SMC4: variants seen among roughly 807,000 people sequenced by gnomAD.
The protein encoded by SMC4 is structural maintenance of chromosomes protein 4.
A neutral mutation model predicts 145.6 loss-of-function variants in SMC4; 87 were observed. The observed-to-expected ratio is 0.60, with a 90% CI of 0.50 to 0.71. The LOEUF (loss-of-function observed/expected upper bound fraction) is 0.71, where lower values mean the gene tolerates loss of function less well. SMC4 is among the 30% of genes least tolerant of loss of function. SMC4 has a pLI of 0.00. For synonymous variants in SMC4, 558 were observed against 500.7 expected (o/e 1.11, Z -1.53); for missense variants, 1,447 against 1,537.1 (o/e 0.94, Z 0.98).
rs766051338 is a variant in SMC4 at position 160,404,524 on chromosome 3, C to T, written c.687+20C>T. 1 of 1,599,338 alleles carries T rather than the reference C, an allele frequency of 6.3e-7. No individual in the cohort carries two copies. Among genetic ancestry groups the T allele is most frequent in the South Asian group, 1.1e-5 (1 of 89,038 alleles). On this transcript the variant is annotated intron_variant, in intron 5 of 23. Transcript: ENST00000357388. Reference sequence around the variant, plus strand: ...TTACAGGTAAGTTTATTAAAGACTTCAAAGATTCTCTTATTCTTGTTACTT... The same window carrying T: ...TTACAGGTAAGTTTATTAAAGACTTTAAAGATTCTCTTATTCTTGTTACTT...
chr3:160,413,461 T>TC lies in SMC4; in HGVS notation c.981-10dup, dbSNP rs1183263137. 6.4e-7 allele frequency: 1 copy of TC among 1,566,340 alleles called. No homozygotes were observed. The highest frequency in any genetic ancestry group is 2.2e-5 in the Admixed American group (1 of 44,882). On this transcript the variant is annotated splice_polypyrimidine_tract_variant and intron_variant, in intron 7 of 23. Transcript: ENST00000357388. The stretch of plus-strand genomic sequence containing the variant: ...GAGCTTCAATTTCTTTTTTTTTTTT[T>TC]CCTCCCTATAGTTATGAGTTGCAGA...
chr3:160,433,247 T>C lies in SMC4; in HGVS notation c.3714+38T>C, dbSNP rs144374404. On this transcript the variant is annotated intron_variant, in intron 23 of 23. Transcript: ENST00000357388. ...TTTGGGATTTTCATTCCAGAAACTT[T>C]TAGGGGTATCCTAAACATTACACAT... The C allele has an allele frequency of 5.2e-5, 75 of 1,440,300 alleles. No individual in the cohort carries two copies. In the African/African-American group the frequency reaches 9.3e-4, roughly 18 times the overall value. The allele number at this position is 1,440,300 out of a possible 1,614,324, so 89.2% of individuals were successfully genotyped here.
rs145849553 is a variant in SMC4 at position 160,417,768 on chromosome 3, G to A, written c.1483G>A (p.Ala495Thr). The change falls in exon 11 of 24, where the codon GCA (alanine) becomes ACA (threonine). Residue 495 changes from alanine to threonine, a missense_variant. Coordinates refer to ENST00000357388, the MANE Select transcript of SMC4 (RefSeq NM_001002800.3). ...GGGTTTCAGCAAATCGGTAAATGAA[G>A]CACGTTCAAAGATGGATGTAGCCCA... ...LMGFSKSVNEARSKMDVAQSE... is the reference protein window; with the variant it reads ...LMGFSKSVNETRSKMDVAQSE... 70 of 1,613,076 alleles carry A rather than the reference G, an allele frequency of 4.3e-5. No individual in the cohort carries two copies. In the African/African-American group the frequency reaches 8.9e-4, roughly 21 times the overall value.
chr3:160,428,189 C>CA (rs1241120191), intron 17 of SMC4, among the ~76,000 whole-genome samples: 1 of 152,190 alleles, frequency 6.6e-6, no homozygotes, highest in Non-Finnish European at 1.5e-5. Flanking sequence ...TTATGCCTTC[C>CA]AAATTATGCA....
Position 160,434,825 on chromosome 3 carries a change from T to C in SMC4, c.*1016T>C, listed in dbSNP as rs1331735668. On this transcript the variant is annotated 3_prime_UTR_variant, in exon 24 of 24. Transcript: ENST00000357388. ...CCTAAGGAATTAATTAAAGAGTTAA[T>C]TGTTCCTTTCTTCAGTGGGCCATTG... 1 of 152,182 alleles carries C rather than the reference T, an allele frequency of 6.6e-6. No individual in the cohort carries two copies. The highest frequency in any genetic ancestry group is 2.4e-5 in the African/African-American group (1 of 41,444). 9.4% of individuals were successfully genotyped at this position (152,182 alleles called of 1,614,324 possible). A position where few individuals can be genotyped will look rare whatever the true frequency, so the allele number is the denominator to read the frequency against.
chr3:160,400,519 A>G (rs1009951452), intron 1 of SMC4: 1 of 308,042 alleles, frequency 3.2e-6, no homozygotes, highest in South Asian at 6.8e-5. Flanking sequence ...TTATACGCTT[A>G]TACTATGGGC....
At chr3:160,412,134 T>A in intron 6 of SMC4, 50 bp downstream of exon 6, 1 of 1,569,042 alleles carries the variant, frequency 6.4e-7, no homozygotes, top group South Asian at 1.2e-5. Context: ...TCATTTATGA[T>A]CTAACAAATT....
Position 160,402,835 on chromosome 3 carries a change from G to A in SMC4, c.478G>A (p.Val160Ile), listed in dbSNP as rs755166279. 1 of 1,574,098 alleles carries A rather than the reference G, an allele frequency of 6.4e-7. No individual in the cohort carries two copies. Among genetic ancestry groups the A allele is most frequent in the Non-Finnish European group, 8.6e-7 (1 of 1,166,924 alleles). The change falls in exon 4 of 24, where the codon GTA (valine) becomes ATA (isoleucine). Residue 160 changes from valine (V) to isoleucine (I), a missense_variant. Transcript: ENST00000357388. ...DEHKDIQSCTVEVHFQKIIDK... is the reference protein window; with the variant it reads ...DEHKDIQSCTIEVHFQKIIDK... ...ACACAAGGACATTCAGAGTTGTACA[G>A]TAGAAGTTCATTTTCAAAAGATAAT...
At chr3:160,416,127 T>C (rs1032157911) in intron 9 of SMC4, 124 bp from the exon 10 acceptor site, 1 of 547,166 alleles carries the variant, frequency 1.8e-6, no homozygotes, top group Non-Finnish European at 3.0e-6. Flanking sequence ...CTAGCTAATT[T>C]AACTCTGATT....
rs369027493 is a variant in SMC4 at position 160,423,349 on chromosome 3, GT to G, written c.2020-67del. The stretch of plus-strand genomic sequence containing the variant: ...TCTTTTGTTGAATTTATTCCTATGG[GT>G]TTTTTTTTGTTTTTTTTTTTGAGTT... On this transcript the variant is annotated intron_variant, in intron 13 of 23. Coordinates refer to ENST00000357388, the MANE Select transcript of SMC4 (RefSeq NM_001002800.3). The G allele has an allele frequency of 4.7e-4, 384 of 812,250 alleles. 9 individuals are homozygous for G. Among genetic ancestry groups the G allele is most frequent in the African/African-American group, 2.6e-3 (116 of 45,154 alleles). The allele number at this position is 812,250 out of a possible 1,614,324, so 50.3% of individuals were successfully genotyped here. A position where few individuals can be genotyped will look rare whatever the true frequency, so the allele number is the denominator to read the frequency against.
chr3:160,400,803 G>A lies in SMC4; in HGVS notation c.-5-19G>A, dbSNP rs767183268. ...GCGGCCCGCGGGCTGACTTGCTCCC[G>A]GCTGTCCCCCGGCCCCAGCGACCAT... On this transcript the variant is annotated intron_variant, in intron 1 of 23. Transcript: ENST00000357388. 1.1e-5 allele frequency: 17 copies of A among 1,501,806 alleles called. 1 individual carries two copies. In the South Asian group the frequency reaches 1.9e-4, roughly 17 times the overall value. The allele number at this position is 1,501,806 out of a possible 1,614,324, so 93.0% of individuals were successfully genotyped here.
intron 13 of SMC4, among the ~76,000 whole-genome samples, chr3:160,421,529 A>T (rs1299615205): frequency 2.6e-5 from 4 of 152,168 alleles, no homozygotes; most frequent in African/African-American, 9.6e-5. Flanking sequence ...GCGGATCACG[A>T]GGTCAGGAGT....
Position 160,416,424 on chromosome 3 carries a change from T to C in SMC4, c.1437+9T>C. 6.8e-7 allele frequency: 1 copy of C among 1,461,912 alleles called. No homozygotes were observed. Among genetic ancestry groups the C allele is most frequent in the Non-Finnish European group, 9.1e-7 (1 of 1,101,504 alleles). The allele number at this position is 1,461,912 out of a possible 1,614,324, so 90.6% of individuals were successfully genotyped here. On this transcript the variant is annotated intron_variant, in intron 10 of 23. Coordinates refer to ENST00000357388, the MANE Select transcript of SMC4 (RefSeq NM_001002800.3). ...TTCAGAAAGAAAAAGAAGTAAGTTT[T>C]TTTTTTTTATCAGTGTTTATTTTGG...
At position 160,423,483 on chromosome 3, in the gene SMC4, T is replaced by A. The variant is rs1717424440; in HGVS notation, c.2078T>A (p.Leu693Ter). 3 of 1,613,532 alleles carry A rather than the reference T, an allele frequency of 1.9e-6. No homozygotes were observed. The highest frequency in any genetic ancestry group is 2.5e-6 in the Non-Finnish European group (3 of 1,179,656). The change falls in exon 14 of 24, where the codon TTA becomes TAA. Residue 693 changes from leucine to a stop codon, truncating the protein, a stop_gained. Transcript: ENST00000357388. LOFTEE classifies it high-confidence loss of function. Reference sequence around the variant, plus strand: ...CAAACTCCTGAAAATACTCCTCGTTTATTTGATTTAGTAAAAGTAAAAGAT... The same window carrying A: ...CAAACTCCTGAAAATACTCCTCGTTAATTTGATTTAGTAAAAGTAAAAGAT... ...EIQTPENTPR[L>*]FDLVKVKDEK... is the part of the protein sequence containing the mutation.
chr3:160,423,975 G>C (rs546551094), intron 15 of SMC4, 135 bp downstream of exon 15: 3 of 540,328 alleles, frequency 5.6e-6, no homozygotes, highest in African/African-American at 3.9e-5. Context: ...TTCTATAAAT[G>C]ACTAGGGATT....
chr3:160,426,060 A>T lies in SMC4; in HGVS notation c.2479-14A>T. 6.4e-7 allele frequency: 1 copy of T among 1,567,944 alleles called. No individual in the cohort carries two copies. On this transcript the variant is annotated splice_polypyrimidine_tract_variant and intron_variant, in intron 16 of 23. Coordinates refer to ENST00000357388, the MANE Select transcript of SMC4 (RefSeq NM_001002800.3). ...GTTAAAATATTGACCTTAAATGTTA[A>T]AACTTTTTTGTAGCGTTTAATAGAG...
intron 17 of SMC4, among the ~76,000 whole-genome samples, chr3:160,427,099 T>C (rs1403531278): frequency 1.3e-5 from 2 of 152,240 alleles, no homozygotes; most frequent in South Asian, 4.1e-4. Context: ...AATGTGCATT[T>C]ATATTAATTT....
chr3:160,422,306 T>C (rs556448324), intron 13 of SMC4, among the ~76,000 whole-genome samples: 2 of 152,372 alleles, frequency 1.3e-5, no homozygotes, highest in African/African-American at 4.8e-5. Context: ...GCTGTACCAT[T>C]TCCCACAAGC....
Position 160,428,817 on chromosome 3 carries a change from C to T in SMC4, c.2670C>T (p.Thr890=). ...VEAEVKRLHN[T]IVEINNHKLK... ...CTGAGGTTAAACGCTTACACAATAC[C>T]ATCGTAGAAATCAATAATCATAAAC... The change falls in exon 18 of 24, where the codon ACC becomes ACT. Residue 890 remains threonine (T), a synonymous_variant. Transcript: ENST00000357388. 1 of 1,607,592 alleles carries T rather than the reference C, an allele frequency of 6.2e-7. No individual in the cohort carries two copies. Among genetic ancestry groups the T allele is most frequent in the Non-Finnish European group, 8.5e-7 (1 of 1,178,500 alleles).
Sources: gnomAD v4.1 joint callset for allele counts (sites outside exome capture counted in the v4.1 genomes callset) on GRCh38, gnomAD v4.1.1 for gene constraint, MANE v1.5 for transcripts, NCBI Gene and HGNC (gene_info 2026-07-23, HGNC 2026-07-21) for gene names.